ESYT3: variants seen among roughly 807,000 people sequenced by gnomAD.
ESYT3 encodes the protein extended synaptotagmin 3, also known as extended synaptotagmin-3.
A neutral mutation model predicts 111.5 loss-of-function variants in ESYT3; 101 were observed. That is an observed-to-expected ratio of 0.91 (90% confidence interval 0.77 to 1.07). ESYT3 has a LOEUF of 1.07. Ranked by LOEUF, ESYT3 falls within the 50% of genes least tolerant of loss-of-function variation. The pLI is 0.00. For synonymous variants in ESYT3, 416 were observed against 446.8 expected (o/e 0.93, Z 0.87); for missense variants, 1,097 against 1,109.4 (o/e 0.99, Z 0.16).
chr3:138,454,589 G>A (rs911128714), intron 2 of ESYT3, among the ~76,000 whole-genome samples: 1 of 152,030 alleles, frequency 6.6e-6, no homozygotes, highest in African/African-American at 2.4e-5. Context: ...GAGAAGCCTT[G>A]CCCCAAACAG....
At chr3:138,480,198 C>CTATT (rs1279417344), downstream of ESYT3, 5 of 152,058 alleles carry the variant, frequency 3.3e-5, no homozygotes, top group African/African-American at 9.7e-5. Context: ...ATAAACAACA[C>CTATT]TATTAAAATC....
intron 18 of ESYT3, 189 bp downstream of exon 18, chr3:138,473,048 G>A (rs2033313588): frequency 1.4e-6 from 2 of 1,442,182 alleles, no homozygotes; most frequent in South Asian, 1.5e-5. Flanking sequence ...GCTGTTTATG[G>A]CTCTAGCTGC....
At chr3:138,444,477 G>A (rs773689291) in intron 1 of ESYT3, among the ~76,000 whole-genome samples, 1 of 152,214 alleles carries the variant, frequency 6.6e-6, no homozygotes, top group Non-Finnish European at 1.5e-5. Flanking sequence ...TTGCTAGAGA[G>A]CTGGATTTGT....
chr3:138,461,506 G>C (rs1313209006), intron 7 of ESYT3, among the ~76,000 whole-genome samples: 1 of 152,188 alleles, frequency 6.6e-6, no homozygotes, highest in Non-Finnish European at 1.5e-5. Flanking sequence ...GGGGAGGGCT[G>C]CTGACTCGCT....
chr3:138,474,302 T>C lies in ESYT3; in HGVS notation c.2418T>C (p.Arg806=). ...YLLPERKWAC[R]KKTSVKRKTL... ...TGCCAGAAAGGAAGTGGGCATGTCG[T>C]AAGAAGACTTCAGTGAAGCGGAAGA... Residue 806 remains arginine, a synonymous_variant, in exon 20 of 23, where the codon CGT becomes CGC. Transcript: ENST00000389567. 2 of 1,606,844 alleles carry C rather than the reference T, an allele frequency of 1.2e-6. No homozygotes were observed.
intron 2 of ESYT3, among the ~76,000 whole-genome samples, chr3:138,453,587 A>G (rs1255702468): frequency 6.6e-6 from 1 of 152,176 alleles, no homozygotes; most frequent in Non-Finnish European, 1.5e-5. Flanking sequence ...AAGGAAATGC[A>G]TATTTAAACT....
chr3:138,469,826 A>G (rs2033125265), intron 15 of ESYT3, among the ~76,000 whole-genome samples: 1 of 152,016 alleles, frequency 6.6e-6, no homozygotes. Flanking sequence ...AGTGAGCTCT[A>G]AGGCCAATAT....
chr3:138,459,691 A>C (rs757668501), intron 5 of ESYT3, among the ~76,000 whole-genome samples: 2 of 152,212 alleles, frequency 1.3e-5, no homozygotes, highest in Non-Finnish European at 2.9e-5. Flanking sequence ...TAGGTCTCTC[A>C]GGCCAGCACA....
chr3:138,443,718 AC>A (rs903314280), intron 1 of ESYT3, among the ~76,000 whole-genome samples: 1 of 129,090 alleles, frequency 7.7e-6, no homozygotes, highest in Non-Finnish European at 1.6e-5. Context: ...GTGTGTCCAC[AC>A]ATCTGTGTTT....
At chr3:138,476,715 G>T in intron 22 of ESYT3, 103 bp from the exon 23 acceptor site, 2 of 1,236,200 alleles carry the variant, frequency 1.6e-6, no homozygotes, top group Non-Finnish European at 1.2e-6. Flanking sequence ...GACAGGTTCT[G>T]CTGGTCTTAC....
chr3:138,439,818 G>C (rs180728085), intron 1 of ESYT3, among the ~76,000 whole-genome samples: 4 of 152,132 alleles, frequency 2.6e-5, no homozygotes, highest in African/African-American at 9.7e-5. Flanking sequence ...GAGAAAACGT[G>C]GCATTTTGTC....
At chr3:138,475,294 A>G (rs62282905) in intron 20 of ESYT3, among the ~76,000 whole-genome samples, 56 of 152,198 alleles carry the variant, frequency 3.7e-4, no homozygotes, top group African/African-American at 1.2e-3. Context: ...CTAAGGGATT[A>G]AAAAAAATTA....
At chr3:138,472,979 C>T (rs929017311) in intron 18 of ESYT3, 120 bp downstream of exon 18, 54 of 1,512,496 alleles carry the variant, frequency 3.6e-5, no homozygotes, top group Middle Eastern at 1.8e-4. Context: ...AAATATCTTC[C>T]TAAGAGGCAG....
chr3:138,463,948 G>A (rs530932608), intron 8 of ESYT3, among the ~76,000 whole-genome samples: 9 of 152,206 alleles, frequency 5.9e-5, no homozygotes, highest in Non-Finnish European at 1.3e-4. Flanking sequence ...ACAGGGGCCA[G>A]GAGAAGGGAT....
chr3:138,469,354 G>A (rs2033100555), intron 14 of ESYT3, 82 bp from the exon 15 acceptor site: 2 of 1,237,800 alleles, frequency 1.6e-6, no homozygotes, highest in Non-Finnish European at 2.3e-6. Context: ...TCCCCCAGAT[G>A]CTCCTGGGGG....
intron 8 of ESYT3, among the ~76,000 whole-genome samples, chr3:138,462,817 C>G (rs1022783645): frequency 6.6e-6 from 1 of 152,142 alleles, no homozygotes; most frequent in Non-Finnish European, 1.5e-5. Flanking sequence ...CGTGCACTAC[C>G]ACGCCTGGCT....
In ESYT3 at chr3:138,472,511, C is replaced by G. The variant is rs370966252; in HGVS notation, c.1889C>G (p.Pro630Arg). ...GAAGGCCCTACAGATTTGCCATGTCCCCCAGACCCTGCTTCTGATACTAAG... is the reference window on the plus strand; with the variant it reads ...GAAGGCCCTACAGATTTGCCATGTCGCCCAGACCCTGCTTCTGATACTAAG... The part of the protein sequence containing the change: ...QEEGPTDLPC[P>R]PDPASDTKDV... Residue 630 changes from proline to arginine, a missense_variant, in exon 18 of 23, where the codon CCC becomes CGC. Coordinates refer to ENST00000389567, the MANE Select transcript of ESYT3 (RefSeq NM_031913.5). The G allele has an allele frequency of 4.2e-5, 68 of 1,614,102 alleles. 1 individual carries two copies. In the East Asian group the frequency reaches 1.3e-3, roughly 31 times the overall value.
intron 1 of ESYT3, among the ~76,000 whole-genome samples, chr3:138,438,275 G>A (rs916505218): frequency 6.6e-6 from 1 of 152,180 alleles, no homozygotes; most frequent in Non-Finnish European, 1.5e-5. Flanking sequence ...TTAACAGATG[G>A]CAAATCAGTA....
intron 4 of ESYT3, among the ~76,000 whole-genome samples, chr3:138,458,354 C>G (rs1053669041): frequency 9.2e-5 from 14 of 152,232 alleles, no homozygotes; most frequent in African/African-American, 3.1e-4. Context: ...CAGGTGCTCC[C>G]AGCCCCTGGG....
Sources: allele counts gnomAD v4.1 joint callset (sites outside exome capture counted in the v4.1 genomes callset), GRCh38; gene constraint gnomAD v4.1.1; transcripts MANE v1.5; gene names NCBI Gene and HGNC (gene_info 2026-07-23, HGNC 2026-07-21).